The following ANLN variants were observed in gnomAD, a reference collection of about 807,000 sequenced individuals.
ANLN encodes the protein anillin, actin binding protein.
Under a neutral mutation model 135.1 loss-of-function variants are expected in ANLN, and 59 were observed. The ratio of observed to expected loss-of-function variants is 0.44; its 90% CI spans 0.35 to 0.54. The LOEUF is 0.54. Ranked by LOEUF, ANLN falls within the 20% of genes least tolerant of loss-of-function variation. The pLI is 0.00. For synonymous variants in ANLN, 406 were observed against 456.4 expected (o/e 0.89, Z 1.41); for missense variants, 1,182 against 1,340.0 (o/e 0.88, Z 1.84).
At chr7:36,446,552 G>T (rs1022667957) in intron 22 of ANLN, among the ~76,000 whole-genome samples, 1 of 152,194 alleles carries the variant, frequency 6.6e-6, no homozygotes, top group Admixed American at 6.5e-5. Context: ...ACATCACATG[G>T]TAAAAGCAGG....
At chr7:36,443,120 C>G (rs1788844789) in intron 21 of ANLN, among the ~76,000 whole-genome samples, 2 of 152,212 alleles carry the variant, frequency 1.3e-5, no homozygotes. Context: ...CTGTTTCTAT[C>G]CAGCACTACT....
At chr7:36,446,436 C>T (rs946553446) in intron 22 of ANLN, among the ~76,000 whole-genome samples, 17 of 152,154 alleles carry the variant, frequency 1.1e-4, no homozygotes, top group Middle Eastern at 3.4e-3. Context: ...TAAATTGGCT[C>T]CTGATTCTGC....
At chr7:36,390,179 C>T in intron 1 of ANLN, 135 bp downstream of exon 1, 6 of 1,481,560 alleles carry the variant, frequency 4.0e-6, no homozygotes, top group Non-Finnish European at 4.6e-6. Flanking sequence ...GTGTGCGGGC[C>T]GGGGTCGCCG....
chr7:36,417,823 G>A (rs1212369611), intron 9 of ANLN, among the ~76,000 whole-genome samples: 3 of 151,698 alleles, frequency 2.0e-5, no homozygotes, highest in African/African-American at 4.8e-5. Flanking sequence ...GACTACAGGC[G>A]CTGCCCCCAC....
At chr7:36,446,725 T>C (rs1013200201) in intron 22 of ANLN, among the ~76,000 whole-genome samples, 1 of 152,150 alleles carries the variant, frequency 6.6e-6, no homozygotes, top group South Asian at 2.1e-4. Context: ...CCTCCAACAC[T>C]GGGGATTACA....
At chr7:36,393,453 T>C (rs1030222698) in intron 1 of ANLN, among the ~76,000 whole-genome samples, 3 of 152,246 alleles carry the variant, frequency 2.0e-5, no homozygotes, top group Non-Finnish European at 2.9e-5. Flanking sequence ...CAGGGATTTA[T>C]GCCTAAAGGG....
In ANLN at chr7:36,406,296, T is replaced by C. The variant is rs147807983; in HGVS notation, c.603T>C (p.Arg201=). ...ASATPVGRRG[R]LANLAATICS... ...CAACTCCAGTTGGCAGAAGGGGCCG[T>C]CTGGCCAATCTTGCTGCAACTATTT... Residue 201 remains arginine, a synonymous_variant, in exon 4 of 24, where the codon CGT becomes CGC. Coordinates refer to ENST00000265748, the MANE Select transcript of ANLN (RefSeq NM_018685.5). The C allele has an allele frequency of 6.2e-7, 1 of 1,614,086 alleles. No individual in the cohort carries two copies. The highest frequency in any genetic ancestry group is 1.3e-5 in the African/African-American group (1 of 74,944).
chr7:36,451,500 C>T (rs1442702169), intron 23 of ANLN, among the ~76,000 whole-genome samples: 1 of 152,154 alleles, frequency 6.6e-6, no homozygotes, highest in African/African-American at 2.4e-5. Context: ...AAATAACCTC[C>T]ACAGTGACTA....
chr7:36,428,438 T>C, intron 20 of ANLN: 1 of 766,348 alleles, frequency 1.3e-6, no homozygotes, highest in Non-Finnish European at 1.9e-6. Context: ...ATATTTGTTT[T>C]ACTAACTATC....
intron 1 of ANLN, among the ~76,000 whole-genome samples, chr7:36,391,009 A>AT (rs1453380419): frequency 6.6e-6 from 1 of 152,222 alleles, no homozygotes; most frequent in African/African-American, 2.4e-5. Flanking sequence ...AAGAGTGGTA[A>AT]TTCTTTCGGG....
intron 7 of ANLN, among the ~76,000 whole-genome samples, chr7:36,415,002 T>C (rs1361272516): frequency 6.6e-6 from 1 of 152,258 alleles, no homozygotes; most frequent in African/African-American, 2.4e-5. Flanking sequence ...CTGGCACATA[T>C]TGAGCTCTGT....
chr7:36,452,511 G>T lies in ANLN; in HGVS notation c.3286G>T (p.Asp1096Tyr). The change falls in exon 24 of 24, where the codon GAT (aspartate) becomes TAT (tyrosine). Residue 1096 changes from aspartate to tyrosine, a missense_variant. Around this residue, in one of 3 missense-constraint regions of ANLN, gnomAD observed 78 missense variants for 72.7 expected, o/e 1.07. Coordinates refer to ENST00000265748, the MANE Select transcript of ANLN (RefSeq NM_018685.5). ...GTCTGCAGATACTAAAGAAGAGCGG[G>T]ATCTCTGGATGCAAAAACTCAATCA... ...WLSADTKEER[D>Y]LWMQKLNQVL... The T allele has an allele frequency of 6.2e-7, 1 of 1,614,062 alleles. No individual in the cohort carries two copies. The highest frequency in any genetic ancestry group is 1.7e-5 in the Admixed American group (1 of 60,010).
chr7:36,448,163 G>A (rs978940556), intron 22 of ANLN, among the ~76,000 whole-genome samples: 8 of 152,034 alleles, frequency 5.3e-5, no homozygotes, highest in Non-Finnish European at 8.8e-5. Context: ...ACAGGCAAGC[G>A]CCACCACGCA....
intron 22 of ANLN, among the ~76,000 whole-genome samples, chr7:36,444,106 A>G (rs990559570): frequency 1.3e-5 from 2 of 152,192 alleles, no homozygotes; most frequent in East Asian, 3.8e-4. Context: ...CCTGGCCAAC[A>G]TGGCGAAATC....
rs750844258 is a variant in ANLN at position 36,390,002 on chromosome 7, G to A, written c.-25G>A. The A allele has an allele frequency of 6.8e-6, 11 of 1,613,948 alleles. No homozygotes were observed. The East Asian group carries it at 2.5e-4, about 36-fold the overall frequency. ...CTGAATTTGAACCACCGTTTCCATC[G>A]TCTCGTAGTCCGACGCCTGGGGCGA... is the stretch of plus-strand genomic sequence containing the variant. On this transcript the variant is annotated 5_prime_UTR_variant, in exon 1 of 24. Coordinates refer to ENST00000265748, the MANE Select transcript of ANLN (RefSeq NM_018685.5).
chr7:36,424,007 A>G, intron 15 of ANLN, 64 bp downstream of exon 15: 1 of 1,509,114 alleles, frequency 6.6e-7, no homozygotes, highest in Non-Finnish European at 8.9e-7. Flanking sequence ...GATACAGTCT[A>G]AAGCATTCAG....
chr7:36,450,837 C>T (rs375992079), intron 23 of ANLN, among the ~76,000 whole-genome samples: 2 of 152,152 alleles, frequency 1.3e-5, no homozygotes, highest in Non-Finnish European at 2.9e-5. Context: ...CTGACCACAG[C>T]GGCCCACTTC....
intron 20 of ANLN, among the ~76,000 whole-genome samples, chr7:36,434,018 A>AT (rs1445120379): frequency 6.6e-6 from 1 of 151,950 alleles, no homozygotes; most frequent in South Asian, 2.1e-4. Context: ...TATTGACAGG[A>AT]TTTTTTTCCC....
rs183305924 is a variant in ANLN, at chr7:36,435,213, C to T, written c.2884-3991C>T. ...AATGAATACACCTATATAACCAAAACCTAGTCAAGATAAGGGACATTTCCA... is the reference window on the plus strand; with the variant it reads ...AATGAATACACCTATATAACCAAAATCTAGTCAAGATAAGGGACATTTCCA... On this transcript the variant is annotated intron_variant, in intron 20 of 23. Transcript: ENST00000265748. Among the ~76,000 whole-genome samples, 21 of 152,260 alleles carry T rather than the reference C, an allele frequency of 1.4e-4. No individual in the cohort carries two copies. The East Asian group carries it at 3.5e-3, about 25-fold the overall frequency.
Sources: allele counts gnomAD v4.1 joint callset (sites outside exome capture counted in the v4.1 genomes callset), GRCh38; gene constraint gnomAD v4.1.1; regional missense constraint gnomAD v4.1.1; transcripts MANE v1.5; gene names NCBI Gene and HGNC (gene_info 2026-07-23, HGNC 2026-07-21).